Variants in LRRC56 observed in about 807,000 individuals in gnomAD.
LRRC56 encodes the protein leucine rich repeat containing 56.
LRRC56 carries 41 observed loss-of-function variants against 47.8 expected under a neutral mutation model. That is an observed-to-expected ratio of 0.86 (90% confidence interval 0.67 to 1.11). LRRC56 has a LOEUF of 1.11. LRRC56 is among the 50% of genes most tolerant of loss of function. The pLI is 0.00. For synonymous variants in LRRC56, 387 were observed against 311.2 expected, an observed-to-expected ratio of 1.24 and a Z score of -2.56; for missense variants, 759 against 704.2, an observed-to-expected ratio of 1.08 and a Z score of -0.88.
the LRRC56 span, among the ~76,000 whole-genome samples, chr11:527,465 CT>C: frequency 2.0e-5 from 3 of 152,292 alleles, no homozygotes; most frequent in African/African-American, 7.2e-5. Flanking sequence ...CTACTTTCTG[CT>C]TCTGAGTTTG....
chr11:552,602 G>A lies in LRRC56; in HGVS notation c.1215G>A (p.Gln405=), dbSNP rs755981770. Residue 405 remains glutamine (Q), a synonymous_variant, in exon 13 of 14, where the codon CAG becomes CAA. Coordinates refer to ENST00000270115, the MANE Select transcript of LRRC56 (RefSeq NM_198075.4). ...PLPYRHPESQ[Q]EGAVAPWGPR... ...CCTATAGGCACCCGGAGTCCCAACA[G>A]GAAGGGGCTGTAGCCCCCTGGGGCC... The A allele has an allele frequency of 7.3e-5, 117 of 1,609,000 alleles. No homozygotes were observed. Among genetic ancestry groups the A allele is most frequent in the African/African-American group, 1.2e-4 (9 of 74,812 alleles).
the LRRC56 span, among the ~76,000 whole-genome samples, chr11:531,953 C>T: frequency 6.6e-6 from 1 of 152,244 alleles, no homozygotes; most frequent in East Asian, 1.9e-4. Context: ...TCCCCAACCC[C>T]TGAAACCACC....
At chr11:553,084 G>A (rs1242593580) in intron 13 of LRRC56, among the ~76,000 whole-genome samples, 7 of 152,218 alleles carry the variant, frequency 4.6e-5, no homozygotes, top group Non-Finnish European at 1.0e-4. Context: ...GCATGAGTCC[G>A]GGGGCTGGGA....
chr11:531,259 C>T, the LRRC56 span, among the ~76,000 whole-genome samples: 2 of 152,106 alleles, frequency 1.3e-5, no homozygotes, highest in African/African-American at 2.4e-5. Flanking sequence ...GGCCAGCCAG[C>T]GGCATGCCCT....
chr11:547,852 G>T (rs909781481), intron 6 of LRRC56, among the ~76,000 whole-genome samples: 2 of 152,076 alleles, frequency 1.3e-5, no homozygotes, highest in African/African-American at 2.4e-5. Context: ...TTCAGGCCAG[G>T]TGCGGTGGCT....
chr11:534,416 C>T, upstream of LRRC56: 1 of 757,326 alleles, frequency 1.3e-6, no homozygotes, highest in East Asian at 3.0e-5. Flanking sequence ...CAGGCCCAGC[C>T]CCAGGCCCCA....
chr11:522,203 A>G, the LRRC56 span, among the ~76,000 whole-genome samples: 4 of 151,930 alleles, frequency 2.6e-5, no homozygotes, highest in Admixed American at 6.6e-5. Flanking sequence ...TTTATCCTCC[A>G]GAGTAGCTGA....
rs1458387059 is a variant in LRRC56 at position 551,755 on chromosome 11, G to A, written c.901G>A (p.Gly301Arg). Residue 301 changes from glycine (G) to arginine (R), a missense_variant, in exon 10 of 14, where the codon GGG (glycine) becomes AGG (arginine). Transcript: ENST00000270115. ...RPWPFSLLVRGGPLPEGLLSE... is the reference protein window; with the variant it reads ...RPWPFSLLVRRGPLPEGLLSE... ...CTGGCCCTTCTCCCTGCTGGTCCGT[G>A]GGGGCCCCCTGCCTGAAGGCCTGCT... 6.2e-7 allele frequency: 1 copy of A among 1,610,522 alleles called. No homozygotes were observed. The highest frequency in any genetic ancestry group is 1.7e-5 in the Admixed American group (1 of 59,838).
rs1053439475 is a variant in LRRC56, at chr11:554,909, C to G, written c.*633C>G. 9.0e-7 allele frequency: 1 copy of G among 1,109,942 alleles called. No individual in the cohort carries two copies. The highest frequency in any genetic ancestry group is 1.2e-6 in the Non-Finnish European group (1 of 815,164). The allele number at this position is 1,109,942 out of a possible 1,614,324, so 68.8% of individuals were successfully genotyped here. On this transcript the variant is annotated 3_prime_UTR_variant, in exon 14 of 14. Coordinates refer to ENST00000270115, the MANE Select transcript of LRRC56 (RefSeq NM_198075.4). ...CACGTTGGTTCAATAAATGATGCAG[C>G]GGACACAGCCCGCCCAGCCCCGGCG...
chr11:537,395 T>A (rs1851561276), upstream of LRRC56: 1 of 152,206 alleles, frequency 6.6e-6, no homozygotes, highest in Non-Finnish European at 1.5e-5. Flanking sequence ...CGACCGTTGC[T>A]AAGGGGCGTG....
At chr11:511,896 C>T in the LRRC56 span, among the ~76,000 whole-genome samples, 1 of 152,116 alleles carries the variant, frequency 6.6e-6, no homozygotes, top group Non-Finnish European at 1.5e-5. Flanking sequence ...AGCTGTGCAG[C>T]GGCAGAGCAT....
the LRRC56 span, among the ~76,000 whole-genome samples, chr11:516,769 A>T: frequency 6.6e-6 from 1 of 152,202 alleles, no homozygotes; most frequent in Non-Finnish European, 1.5e-5. Context: ...TAAGACAAAA[A>T]TACATCATCA....
At chr11:534,102 G>A (rs1002344219), upstream of LRRC56, 3 of 1,169,220 alleles carry the variant, frequency 2.6e-6, no homozygotes, top group Middle Eastern at 1.9e-4. Flanking sequence ...GCAGGAGACA[G>A]GGCCACAGCA....
At chr11:514,934 A>C in the LRRC56 span, among the ~76,000 whole-genome samples, 1 of 152,216 alleles carries the variant, frequency 6.6e-6, no homozygotes, top group Admixed American at 6.6e-5. Context: ...TCTCACCCAC[A>C]GAGGCGGTGG....
Position 554,349 on chromosome 11 carries a change from A to C in LRRC56, c.*73A>C. The C allele has an allele frequency of 1.5e-6, 2 of 1,320,268 alleles. No individual in the cohort carries two copies. The highest frequency in any genetic ancestry group is 9.9e-7 in the Non-Finnish European group (1 of 1,006,518). The allele number at this position is 1,320,268 out of a possible 1,614,324, so 81.8% of individuals were successfully genotyped here. On this transcript the variant is annotated 3_prime_UTR_variant, in exon 14 of 14. Transcript: ENST00000270115. ...CACATATGTGGTCACAGAGCACAGA[A>C]TACCTGGGCGGGTGTGTTGGGGGGT...
chr11:554,061 C>T lies in LRRC56; in HGVS notation c.1414C>T (p.Leu472=), dbSNP rs773423944. Residue 472 remains leucine, a synonymous_variant, in exon 14 of 14, where the codon CTG becomes TTG. Transcript: ENST00000270115. ...CAGCTCCCCGCGGTGGTCGACAGACCTGCAGTCCAGGGGGCGTCGGCTCCG... is the reference window on the plus strand; with the variant it reads ...CAGCTCCCCGCGGTGGTCGACAGACTTGCAGTCCAGGGGGCGTCGGCTCCG... The part of the protein sequence containing the change: ...GSSSPRWSTD[L]QSRGRRLRVL... 4 of 1,611,052 alleles carry T rather than the reference C, an allele frequency of 2.5e-6. No individual in the cohort carries two copies. The African/African-American group carries it at 5.3e-5, about 22-fold the overall frequency.
At position 540,666 on chromosome 11, in the gene LRRC56, G is replaced by C; in HGVS notation, c.-11-8G>C. 3.1e-6 allele frequency: 5 copies of C among 1,610,700 alleles called. No homozygotes were observed. The highest frequency in any genetic ancestry group is 4.2e-6 in the Non-Finnish European group (5 of 1,178,926). On this transcript the variant is annotated splice_polypyrimidine_tract_variant and splice_region_variant and intron_variant, in intron 3 of 13. Transcript: ENST00000270115. Reference sequence around the variant, plus strand: ...GCGTGGAGCTTTGCACTGTGCCTCTGTCAGCAGGTGACATGTGAATGGATC... The same window carrying C: ...GCGTGGAGCTTTGCACTGTGCCTCTCTCAGCAGGTGACATGTGAATGGATC...
At chr11:544,657 G>A in intron 5 of LRRC56, 63 bp from the exon 6 acceptor site, 2 of 1,549,418 alleles carry the variant, frequency 1.3e-6, no homozygotes, top group Non-Finnish European at 1.8e-6. Context: ...TAGGGGTGAA[G>A]GAGGGTGCAG....
chr11:536,986 G>C (rs1245047950), upstream of LRRC56: 1 of 152,180 alleles, frequency 6.6e-6, no homozygotes, highest in African/African-American at 2.4e-5. Flanking sequence ...GCGGGCGGCA[G>C]CGTGTCCCGC....
Sources: gnomAD v4.1 joint callset for allele counts (sites outside exome capture counted in the v4.1 genomes callset) on GRCh38, gnomAD v4.1.1 for gene constraint, MANE v1.5 for transcripts, NCBI Gene and HGNC (gene_info 2026-07-23, HGNC 2026-07-21) for gene names.